The following DPYD variants were observed in gnomAD, a reference collection of about 807,000 sequenced individuals.
The protein encoded by DPYD is dihydropyrimidine dehydrogenase [NADP(+)].
A neutral mutation model predicts 116.2 loss-of-function variants in DPYD; 109 were observed. The ratio of observed to expected loss-of-function variants is 0.94; its 90% CI spans 0.80 to 1.10. The LOEUF is 1.10. DPYD is among the 50% of genes least tolerant of loss of function. DPYD has a pLI of 0.00. For synonymous variants in DPYD, 440 were observed against 432.0 expected, an observed-to-expected ratio of 1.02 and a Z score of -0.23; for missense variants, 1,302 against 1,254.5, an observed-to-expected ratio of 1.04 and a Z score of -0.57.
chr1:97,581,649 G>A (rs1653681989), intron 10 of DPYD, among the ~76,000 whole-genome samples: 1 of 151,386 alleles, frequency 6.6e-6, no homozygotes, highest in South Asian at 2.1e-4. Flanking sequence ...GGAAGGCTGA[G>A]GTGGGAGGAT....
intron 16 of DPYD, among the ~76,000 whole-genome samples, chr1:97,323,600 GTGTATATATACACGTATATA>G (rs1668524048): frequency 1.3e-5 from 1 of 74,246 alleles, no homozygotes; most frequent in Non-Finnish European, 3.0e-5. Flanking sequence ...ATACATATAT[GTGTATATATACACGTATATA>G]TACATATCAT....
In DPYD at chr1:97,751,928, A is replaced by C. The variant is rs191531242; in HGVS notation, c.234-11449T>G. Among the ~76,000 whole-genome samples the C allele has an allele frequency of 6.6e-5, 10 of 151,754 alleles. 1 individual carries two copies. The highest frequency in any genetic ancestry group is 6.6e-4 in the Admixed American group (10 of 15,232). ...CAGGCCTGTGCCACCACATCCAGCT[A>C]ATTTTTGTATTTTTATTAGAGACTT... is the stretch of plus-strand genomic sequence containing the variant. On this transcript the variant is annotated intron_variant, in intron 3 of 22. Coordinates refer to ENST00000370192, the MANE Select transcript of DPYD (RefSeq NM_000110.4).
chr1:97,719,149 C>T (rs1467092626), intron 5 of DPYD, among the ~76,000 whole-genome samples: 2 of 145,030 alleles, frequency 1.4e-5, no homozygotes, highest in African/African-American at 5.1e-5. Flanking sequence ...AACACAAGAT[C>T]CACCCCCAAC....
intron 20 of DPYD, among the ~76,000 whole-genome samples, chr1:97,133,359 A>G (rs1022231513): frequency 6.6e-6 from 1 of 152,002 alleles, no homozygotes; most frequent in Non-Finnish European, 1.5e-5. Context: ...ATTTTATTCT[A>G]CTTTTTTTAT....
intron 3 of DPYD, among the ~76,000 whole-genome samples, chr1:97,814,871 T>G (rs1204117787): frequency 8.0e-6 from 1 of 125,492 alleles, no homozygotes; most frequent in Non-Finnish European, 1.6e-5. Context: ...GCCACTGCAC[T>G]ACAGCCTACG....
intron 3 of DPYD, among the ~76,000 whole-genome samples, chr1:97,768,542 T>C (rs1665990029): frequency 6.6e-6 from 1 of 152,196 alleles, no homozygotes; most frequent in South Asian, 2.1e-4. Context: ...ATGTAAGAAC[T>C]TTAAGTATTC....
intron 3 of DPYD, among the ~76,000 whole-genome samples, chr1:97,760,167 C>A (rs1481050819): frequency 1.3e-5 from 2 of 152,064 alleles, no homozygotes; most frequent in African/African-American, 4.8e-5. Context: ...ATAACAGATA[C>A]CTGAGAGAGG....
At chr1:97,713,085 TATC>T (rs1003594332) in intron 5 of DPYD, among the ~76,000 whole-genome samples, 4 of 152,244 alleles carry the variant, frequency 2.6e-5, no homozygotes, top group East Asian at 1.9e-4. Context: ...AAATTTTACT[TATC>T]ATCATTATTT....
chr1:97,279,071 G>C (rs1665135866), intron 18 of DPYD, among the ~76,000 whole-genome samples: 1 of 151,980 alleles, frequency 6.6e-6, no homozygotes, highest in South Asian at 2.1e-4. Context: ...TGAGTATATT[G>C]CATGATGCTG....
chr1:97,628,831 AATGT>A (rs756807342), intron 8 of DPYD, among the ~76,000 whole-genome samples: 18 of 152,084 alleles, frequency 1.2e-4, no homozygotes, highest in Non-Finnish European at 2.4e-4. Context: ...TGTAAATATG[AATGT>A]ATGACCATGC....
chr1:97,739,442 A>C (rs1664142979), intron 4 of DPYD, among the ~76,000 whole-genome samples: 3 of 152,158 alleles, frequency 2.0e-5, no homozygotes, highest in Non-Finnish European at 4.4e-5. Flanking sequence ...CTGACAATGC[A>C]GATTTAAATC....
intron 19 of DPYD, among the ~76,000 whole-genome samples, chr1:97,199,611 T>G (rs1659065706): frequency 6.6e-6 from 1 of 152,056 alleles, no homozygotes. Flanking sequence ...GACCTTATTT[T>G]TATTTGCATT....
intron 13 of DPYD, among the ~76,000 whole-genome samples, chr1:97,504,096 T>C (rs1473078800): frequency 6.6e-6 from 1 of 152,020 alleles, no homozygotes; most frequent in Non-Finnish European, 1.5e-5. Context: ...TTGGAGATTA[T>C]GACATGGTTT....
At position 97,638,854 on chromosome 1, in the gene DPYD, G is replaced by A. The variant is rs371591637; in HGVS notation, c.850+40241C>T. ...GCAAGGACAATGCCAAGCTATTCAT[G>A]AGGGATCTAGTCCCATGATTCAAAC... On this transcript the variant is annotated intron_variant, in intron 8 of 22. Transcript: ENST00000370192. Among the ~76,000 whole-genome samples, 72 of 152,212 alleles carry A rather than the reference G, an allele frequency of 4.7e-4. No individual in the cohort carries two copies. The Middle Eastern group carries it at 0.01, about 22-fold the overall frequency.
intron 14 of DPYD, among the ~76,000 whole-genome samples, chr1:97,448,390 T>C (rs1557718869): frequency 6.6e-6 from 1 of 152,156 alleles, no homozygotes; most frequent in African/African-American, 2.4e-5. Context: ...TCCTCATCAG[T>C]TAAATAGAGA....
intron 1 of DPYD, among the ~76,000 whole-genome samples, chr1:97,890,098 G>T (rs868512442): frequency 8.6e-5 from 13 of 151,936 alleles, no homozygotes; most frequent in African/African-American, 2.9e-4. Context: ...ATTAGTGGTT[G>T]CTCAGGCTGG....
At chr1:97,241,512 C>A (rs566039577) in intron 18 of DPYD, among the ~76,000 whole-genome samples, 6 of 151,902 alleles carry the variant, frequency 3.9e-5, no homozygotes, top group Non-Finnish European at 5.9e-5. Context: ...AAAGTCTCTG[C>A]GACATGAAAG....
chr1:97,190,350 T>C (rs1570633867), intron 20 of DPYD, among the ~76,000 whole-genome samples: 1 of 152,194 alleles, frequency 6.6e-6, no homozygotes, highest in East Asian at 1.9e-4. Flanking sequence ...TTTGTCCCTT[T>C]TGGCAATGCA....
At chr1:97,377,495 T>TG (rs984657136) in intron 15 of DPYD, among the ~76,000 whole-genome samples, 1 of 152,200 alleles carries the variant, frequency 6.6e-6, no homozygotes, top group African/African-American at 2.4e-5. Flanking sequence ...ATAACTCACC[T>TG]GGTCCTACAT....
Sources: gnomAD v4.1 joint callset for allele counts (sites outside exome capture counted in the v4.1 genomes callset) on GRCh38, gnomAD v4.1.1 for gene constraint, MANE v1.5 for transcripts, NCBI Gene and HGNC (gene_info 2026-07-23, HGNC 2026-07-21) for gene names.